Variants in CENPU observed in about 807,000 individuals in gnomAD.
CENPU encodes KSHV latent nuclear antigen interacting protein 1.
In CENPU, 46 loss-of-function variants were observed where a neutral mutation model predicts 56.7. The ratio of observed to expected loss-of-function variants is 0.81; its 90% CI spans 0.64 to 1.04. CENPU has a LOEUF of 1.04. Among genes scored for constraint, CENPU ranks in the 50% least tolerant of loss-of-function variants. The probability of loss-of-function intolerance (pLI) is 0.00; values close to 1 mark genes in which losing one functional copy is unlikely to be tolerated. For synonymous variants in CENPU, 166 were observed against 163.0 expected (o/e 1.02, Z -0.14); for missense variants, 510 against 490.1 (o/e 1.04, Z -0.38).
chr4:184,698,830 A>C (rs1760430611), intron 11 of CENPU, among the ~76,000 whole-genome samples: 1 of 152,152 alleles, frequency 6.6e-6, no homozygotes, highest in Non-Finnish European at 1.5e-5. Context: ...GGAGTGCTGG[A>C]TTTGGAGTCA....
chr4:184,729,812 C>T (rs1761576600), intron 2 of CENPU, among the ~76,000 whole-genome samples: 1 of 152,124 alleles, frequency 6.6e-6, no homozygotes, highest in Non-Finnish European at 1.5e-5. Flanking sequence ...AAGTCTGCTA[C>T]CCCAAATCTA....
chr4:184,711,458 T>C (rs1385247876), intron 7 of CENPU, among the ~76,000 whole-genome samples: 2 of 152,194 alleles, frequency 1.3e-5, no homozygotes, highest in Admixed American at 1.3e-4. Context: ...TGTTTTGAAA[T>C]GTGTAATATT....
intron 12 of CENPU, 41 bp downstream of exon 12, chr4:184,697,606 A>G (rs755308042): frequency 5.0e-6 from 8 of 1,597,344 alleles, no homozygotes; most frequent in Admixed American, 1.7e-5. Context: ...CCCTCCCACA[A>G]TCATCTTCTG....
chr4:184,732,069 TATA>T (rs1186881262), intron 1 of CENPU, among the ~76,000 whole-genome samples: 2 of 152,228 alleles, frequency 1.3e-5, no homozygotes, highest in Admixed American at 6.5e-5. Flanking sequence ...TCAATTGTCC[TATA>T]ATGTCTTTTA....
intron 2 of CENPU, among the ~76,000 whole-genome samples, chr4:184,730,080 C>T (rs1761586001): frequency 6.6e-6 from 1 of 152,146 alleles, no homozygotes; most frequent in African/African-American, 2.4e-5. Context: ...GGGGCCTCCA[C>T]CAGGGACTGC....
intron 3 of CENPU, among the ~76,000 whole-genome samples, chr4:184,725,345 G>A (rs550647256): frequency 3.3e-5 from 5 of 152,112 alleles, no homozygotes; most frequent in Admixed American, 1.3e-4. Flanking sequence ...TCACTCTGCC[G>A]CCCAGCCTGG....
At chr4:184,707,934 C>T (rs1341308169) in intron 8 of CENPU, among the ~76,000 whole-genome samples, 1 of 152,046 alleles carries the variant, frequency 6.6e-6, no homozygotes, top group Non-Finnish European at 1.5e-5. Context: ...AAGCAAGCAG[C>T]AGAAATAGCT....
At chr4:184,698,678 G>A (rs1264682296) in intron 11 of CENPU, among the ~76,000 whole-genome samples, 3 of 152,164 alleles carry the variant, frequency 2.0e-5, no homozygotes, top group African/African-American at 7.2e-5. Flanking sequence ...TCGAACTCCT[G>A]ACCTCAGTGA....
intron 8 of CENPU, among the ~76,000 whole-genome samples, chr4:184,704,205 G>A (rs1400982960): frequency 2.6e-5 from 4 of 151,848 alleles, no homozygotes; most frequent in South Asian, 2.1e-4. Context: ...TCAGCCTCCC[G>A]TGTAGCTGGG....
At chr4:184,704,967 G>C (rs1760675066) in intron 8 of CENPU, among the ~76,000 whole-genome samples, 1 of 152,194 alleles carries the variant, frequency 6.6e-6, no homozygotes, top group Non-Finnish European at 1.5e-5. Flanking sequence ...CAAGGATGTA[G>C]AGAATCTGGA....
chr4:184,695,885 CAAG>C (rs1457685267), intron 12 of CENPU, among the ~76,000 whole-genome samples: 1 of 152,200 alleles, frequency 6.6e-6, no homozygotes, highest in Non-Finnish European at 1.5e-5. Flanking sequence ...TCTATCATCT[CAAG>C]AAATTATTTA....
At chr4:184,716,779 T>C (rs1256050497) in intron 5 of CENPU, 146 bp from the exon 6 acceptor site, 20 of 664,430 alleles carry the variant, frequency 3.0e-5, no homozygotes, top group Non-Finnish European at 4.8e-5. Context: ...GGCAACTTAA[T>C]TAGTGGATAG....
At chr4:184,695,610 C>T (rs1579748132) in intron 12 of CENPU, among the ~76,000 whole-genome samples, 1 of 152,136 alleles carries the variant, frequency 6.6e-6, no homozygotes, top group East Asian at 1.9e-4. Flanking sequence ...AGCTGCTCTG[C>T]AAAGCTTGAA....
rs780331725 is a variant in CENPU at position 184,695,270 on chromosome 4, T to G, written c.*18A>C. On this transcript the variant is annotated 3_prime_UTR_variant, in exon 13 of 13. Coordinates refer to ENST00000281453, the MANE Select transcript of CENPU (RefSeq NM_024629.4). ...GAGACTAGTCTTCCTATAGGCACAT[T>G]TTAGTAGACTGCTCTTCTCATCCCT... The G allele has an allele frequency of 6.5e-7, 1 of 1,545,002 alleles. No homozygotes were observed. The highest frequency in any genetic ancestry group is 2.2e-5 in the East Asian group (1 of 44,542).
At chr4:184,710,231 G>A (rs1355671692) in intron 7 of CENPU, 51 bp from the exon 8 acceptor site, 4 of 1,248,850 alleles carry the variant, frequency 3.2e-6, no homozygotes, top group Non-Finnish European at 4.6e-6. Context: ...TTTGGCTGTA[G>A]GTCCAGGGTT....
intron 1 of CENPU, among the ~76,000 whole-genome samples, chr4:184,733,608 C>T (rs1266347379): frequency 6.6e-6 from 1 of 152,240 alleles, no homozygotes; most frequent in Non-Finnish European, 1.5e-5. Context: ...AGTAAGAAAA[C>T]ACCAGGGTCT....
chr4:184,721,737 A>C, intron 4 of CENPU, among the ~76,000 whole-genome samples: 1 of 152,186 alleles, frequency 6.6e-6, no homozygotes, highest in Admixed American at 6.5e-5. Flanking sequence ...CAACACTGGA[A>C]CACCCAGATA....
intron 4 of CENPU, among the ~76,000 whole-genome samples, chr4:184,720,822 T>C (rs1363870153): frequency 1.3e-5 from 2 of 152,024 alleles, no homozygotes; most frequent in Non-Finnish European, 2.9e-5. Context: ...ATAAAGACTT[T>C]CCCAAACAAA....
At chr4:184,704,850 G>T (rs12509106) in intron 8 of CENPU, among the ~76,000 whole-genome samples, 27,133 of 152,128 alleles carry the variant, frequency 0.18, 3,590 homozygotes, top group East Asian at 0.7. Context: ...GAGATGGGCT[G>T]CTTAACAAGT....
Sources: allele counts gnomAD v4.1 joint callset (sites outside exome capture counted in the v4.1 genomes callset), GRCh38; gene constraint gnomAD v4.1.1; transcripts MANE v1.5; gene names NCBI Gene and HGNC (gene_info 2026-07-23, HGNC 2026-07-21).